Variants in ECHDC2 observed in about 807,000 individuals in gnomAD.
ECHDC2 encodes the protein enoyl-CoA hydratase domain-containing protein 2, mitochondrial.
A neutral mutation model predicts 40.6 loss-of-function variants in ECHDC2; 34 were observed. The observed-to-expected ratio is 0.84, with a 90% CI of 0.64 to 1.11. The LOEUF is 1.11. ECHDC2 is among the 50% of genes most tolerant of loss of function. The pLI, the probability that ECHDC2 is intolerant of heterozygous loss-of-function variation, is 0.00. For synonymous variants in ECHDC2, 162 were observed against 166.6 expected, an observed-to-expected ratio of 0.97 and a Z score of 0.21; for missense variants, 392 against 400.7, an observed-to-expected ratio of 0.98 and a Z score of 0.19.
intron 6 of ECHDC2, 31 bp from the exon 7 acceptor site, chr1:52,904,864 C>A: frequency 6.2e-7 from 1 of 1,602,816 alleles, no homozygotes; most frequent in Non-Finnish European, 8.5e-7. Flanking sequence ...GGGTGGGAAT[C>A]AGCATGGGAA....
chr1:52,903,468 G>C (rs890004989), intron 7 of ECHDC2, among the ~76,000 whole-genome samples: 27 of 151,742 alleles, frequency 1.8e-4, no homozygotes, highest in Non-Finnish European at 1.2e-4. Flanking sequence ...TTTGTTTTTA[G>C]CAACGGGATT....
At chr1:52,916,595 G>A (rs578007723) in intron 1 of ECHDC2, among the ~76,000 whole-genome samples, 17 of 152,252 alleles carry the variant, frequency 1.1e-4, no homozygotes, top group Non-Finnish European at 1.9e-4. Context: ...GGCAAGTCTC[G>A]GACCTAATAC....
At chr1:52,906,778 T>G (rs1647978788) in intron 4 of ECHDC2, among the ~76,000 whole-genome samples, 167 bp from the exon 5 acceptor site, 1 of 150,716 alleles carries the variant, frequency 6.6e-6, no homozygotes, top group Non-Finnish European at 1.5e-5. Flanking sequence ...TTTTTTTTTT[T>G]TTTTGAGACG....
intron 1 of ECHDC2, chr1:52,915,212 G>C (rs1390368431): frequency 2.2e-6 from 1 of 455,900 alleles, no homozygotes; most frequent in African/African-American, 2.0e-5. Context: ...CTGAAATCCA[G>C]CAGGTGCCCA....
intron 1 of ECHDC2, chr1:52,915,319 T>TTA (rs1650441878): frequency 4.4e-6 from 2 of 455,952 alleles, no homozygotes; most frequent in Non-Finnish European, 8.8e-6. Flanking sequence ...TTTATGAAGT[T>TTA]GGCATTCTCA....
rs759547324 is a variant in ECHDC2, at chr1:52,906,442, G to A, written c.457+77C>T. On this transcript the variant is annotated intron_variant, in intron 5 of 9. Transcript: ENST00000371522. ...AAGCCAAGAACAGTGGCTGACTGCA[G>A]AATGTCCAGACTCACCCTGTTTCAC... 3 of 1,232,010 alleles carry A rather than the reference G, an allele frequency of 2.4e-6. No individual in the cohort carries two copies. The East Asian group carries it at 7.5e-5, about 31-fold the overall frequency. 76.3% of individuals were successfully genotyped at this position (1,232,010 alleles called of 1,614,324 possible).
intron 5 of ECHDC2, chr1:52,906,241 C>G (rs1647771508): frequency 4.1e-6 from 2 of 483,272 alleles, no homozygotes; most frequent in Admixed American, 5.2e-5. Context: ...GCTCTTTGAC[C>G]TCCTTGGCTC....
Position 52,920,633 on chromosome 1 carries a change from ATTTCATCAGT to A in ECHDC2, c.121+910_121+919del. On this transcript the variant is annotated intron_variant, in intron 1 of 9. Transcript: ENST00000371522. ...GTGCCTAAGGAGATGGTGACCCTTT[ATTTCATCAGT>A]ATTTAAACCTCTCTATTCCCTGCCA... 3.3e-6 allele frequency: 3 copies of A among 915,678 alleles called. No homozygotes were observed. The South Asian group carries it at 4.2e-5, about 13-fold the overall frequency. The allele number at this position is 915,678 out of a possible 1,614,324, so 56.7% of individuals were successfully genotyped here.
At chr1:52,913,107 C>T (rs1425835366) in intron 1 of ECHDC2, 1 of 152,214 alleles carries the variant, frequency 6.6e-6, no homozygotes, top group African/African-American at 2.4e-5. Flanking sequence ...CTCCCCACAA[C>T]TCTGTCTTTC....
intron 1 of ECHDC2, chr1:52,912,038 G>A: frequency 7.1e-7 from 1 of 1,406,742 alleles, no homozygotes; most frequent in South Asian, 1.5e-5. Context: ...AGCAAAATGG[G>A]GAGAGGAACA....
intron 7 of ECHDC2, chr1:52,900,368 A>G (rs1377815883): frequency 6.6e-6 from 1 of 152,210 alleles, no homozygotes; most frequent in East Asian, 1.9e-4. Flanking sequence ...AACAAAACCA[A>G]ACCTTTGTTT....
chr1:52,911,551 GGA>G lies in ECHDC2; in HGVS notation c.277+13_277+14del. 1 of 1,612,404 alleles carries G rather than the reference GGA, an allele frequency of 6.2e-7. No individual in the cohort carries two copies. Among genetic ancestry groups the G allele is most frequent in the Admixed American group, 1.7e-5 (1 of 60,018 alleles). ...ACCCTGCAGAGCACAGATGGGGGCA[GGA>G]GAGAGAACCTACCTGCACAGAACAC... On this transcript the variant is annotated intron_variant, in intron 3 of 9. Coordinates refer to ENST00000371522, the MANE Select transcript of ECHDC2 (RefSeq NM_001198961.2).
At chr1:52,897,830 G>GA (rs1646733988) in intron 8 of ECHDC2, 2 of 422,064 alleles carry the variant, frequency 4.7e-6, no homozygotes, top group Admixed American at 3.5e-5. Context: ...CATTCTAAGA[G>GA]AAGTACCATG....
intron 3 of ECHDC2, 147 bp from the exon 4 acceptor site, chr1:52,908,101 G>A: frequency 1.5e-6 from 1 of 663,358 alleles, no homozygotes; most frequent in African/African-American, 1.8e-5. Context: ...GGAAGTCAAG[G>A]GAAAAGAGGA....
Position 52,914,292 on chromosome 1 carries a change from G to A in ECHDC2, c.122-2502C>T, listed in dbSNP as rs1650201669. Among the ~76,000 whole-genome samples, 1 of 152,226 alleles carries A rather than the reference G, an allele frequency of 6.6e-6. No homozygotes were observed. Among genetic ancestry groups the A allele is most frequent in the Admixed American group, 6.5e-5 (1 of 15,282 alleles). On this transcript the variant is annotated intron_variant, in intron 1 of 9. Transcript: ENST00000371522. The surrounding 1 kb of genome is among the most constrained non-coding windows in gnomAD (Gnocchi z 4.0). ...GGAATTGGCCAGGCAAAAGATGTAAGAGTGCATGTGTGCATGTAAGTGTGC... is the reference window on the plus strand; with the variant it reads ...GGAATTGGCCAGGCAAAAGATGTAAAAGTGCATGTGTGCATGTAAGTGTGC...
rs369702852 is a variant in ECHDC2, at chr1:52,911,728, T to C, written c.184A>G (p.Ser62Gly). The C allele has an allele frequency of 3.2e-6, 5 of 1,552,328 alleles. No homozygotes were observed. The African/African-American group carries it at 5.5e-5, about 17-fold the overall frequency. Residue 62 changes from serine to glycine, a missense_variant, in exon 2 of 10, where the codon AGT (serine) becomes GGT (glycine). Coordinates refer to ENST00000371522, the MANE Select transcript of ECHDC2 (RefSeq NM_001198961.2). ...ARNALGNVFV[S>G]ELLETLAQLR... is the part of the protein sequence containing the mutation. ...TGGCGCCCGCCCTTTCTTACCTCACTGACGAAGACATTCCCCAAGGCATTG... is the reference window on the plus strand; with the variant it reads ...TGGCGCCCGCCCTTTCTTACCTCACCGACGAAGACATTCCCCAAGGCATTG...
chr1:52,915,048 T>G, intron 1 of ECHDC2: 1 of 358,242 alleles, frequency 2.8e-6, no homozygotes, highest in South Asian at 2.1e-5. Flanking sequence ...ATCTGACTCT[T>G]GCACCCACTC....
At position 52,921,572 on chromosome 1, in the gene ECHDC2, G is replaced by C; in HGVS notation, c.102C>G (p.Ala34=). ...AAGGSEIQVR[A]LAGPDQGITE... ...ATTTACCTTGGTCCGGACCCGCCAG[G>C]GCGCGCACTTGGATCTCTGAGCCCC... The change falls in exon 1 of 10, where the codon GCC becomes GCG. Residue 34 remains alanine, a synonymous_variant. Coordinates refer to ENST00000371522, the MANE Select transcript of ECHDC2 (RefSeq NM_001198961.2). 6.2e-7 allele frequency: 1 copy of C among 1,609,718 alleles called. No homozygotes were observed. The highest frequency in any genetic ancestry group is 1.7e-5 in the Admixed American group (1 of 59,706).
intron 1 of ECHDC2, chr1:52,911,995 CAGAG>C: frequency 1.4e-6 from 2 of 1,426,990 alleles, no homozygotes; most frequent in Non-Finnish European, 9.1e-7. Context: ...CTTTCTGCCT[CAGAG>C]AGAAAGTGGA....
Sources: gnomAD v4.1 joint callset for allele counts (sites outside exome capture counted in the v4.1 genomes callset) on GRCh38, gnomAD v4.1.1 for gene constraint, Gnocchi (gnomAD v3.1) non-coding constraint, MANE v1.5 for transcripts, NCBI Gene and HGNC (gene_info 2026-07-23, HGNC 2026-07-21) for gene names.